GNA12: variants seen among roughly 807,000 people sequenced by gnomAD.
GNA12 encodes guanine nucleotide-binding protein subunit alpha-12.
GNA12 carries 9 observed loss-of-function variants against 26.0 expected under a neutral mutation model. That is an observed-to-expected ratio of 0.35 (90% confidence interval 0.21 to 0.60). GNA12 has a LOEUF of 0.60. Among genes scored for constraint, GNA12 ranks in the 20% least tolerant of loss-of-function variants. The pLI, the probability that GNA12 is intolerant of heterozygous loss-of-function variation, is 0.78. For missense variants in GNA12, 405 were observed against 525.8 expected (o/e 0.77, Z 2.25); for synonymous variants, 264 against 219.6 (o/e 1.20, Z -1.79).
chr7:2,775,860 G>A (rs997315820), intron 2 of GNA12, among the ~76,000 whole-genome samples: 1 of 152,174 alleles, frequency 6.6e-6, no homozygotes, highest in African/African-American at 2.4e-5. Context: ...CACACTACCT[G>A]GACAGGTTAC....
At chr7:2,782,641 T>C (rs994924393) in intron 2 of GNA12, among the ~76,000 whole-genome samples, 1 of 152,148 alleles carries the variant, frequency 6.6e-6, no homozygotes, top group Non-Finnish European at 1.5e-5. Context: ...AGTTTTATTA[T>C]GTCTATAGTG....
At chr7:2,768,653 T>C (rs1369044668) in intron 2 of GNA12, among the ~76,000 whole-genome samples, 1 of 144,520 alleles carries the variant, frequency 6.9e-6, no homozygotes, top group Non-Finnish European at 1.5e-5. Context: ...AACAGGTGAA[T>C]ATGCTCTCAA....
chr7:2,836,742 G>A lies in GNA12; in HGVS notation c.309+7111C>T, dbSNP rs1184659373. Among the ~76,000 whole-genome samples the A allele has an allele frequency of 3.9e-5, 6 of 152,162 alleles. No individual in the cohort carries two copies. In the East Asian group the frequency reaches 1.2e-3, roughly 29 times the overall value. ...AGTTCGAGACCAGCCTGGCCAACATGGTGAAGTCCCATTTCTACTAAAAAT... is the reference window on the plus strand; with the variant it reads ...AGTTCGAGACCAGCCTGGCCAACATAGTGAAGTCCCATTTCTACTAAAAAT... On this transcript the variant is annotated intron_variant, in intron 1 of 3. Transcript: ENST00000275364.
chr7:2,765,406 G>A (rs1390753129), intron 2 of GNA12, among the ~76,000 whole-genome samples: 1 of 151,670 alleles, frequency 6.6e-6, no homozygotes, highest in Non-Finnish European at 1.5e-5. Context: ...TGATCCGCCC[G>A]CCTCGGCCTC....
intron 2 of GNA12, among the ~76,000 whole-genome samples, chr7:2,785,968 G>A (rs1328994255): frequency 6.6e-6 from 1 of 152,236 alleles, no homozygotes; most frequent in Non-Finnish European, 1.5e-5. Context: ...TCGGGAGGCT[G>A]AGGCAGGACA....
At position 2,844,078 on chromosome 7, in the gene GNA12, G is replaced by T. The variant is rs934675173; in HGVS notation, c.84C>A (p.Gly28=). 12 of 1,061,100 alleles carry T rather than the reference G, an allele frequency of 1.1e-5. No individual in the cohort carries two copies. The Admixed American group carries it at 1.7e-4, about 15-fold the overall frequency. 65.7% of individuals were successfully genotyped at this position (1,061,100 alleles called of 1,614,324 possible). The change falls in exon 1 of 4, where the codon GGC becomes GGA. Residue 28 remains glycine (G), a synonymous_variant. Coordinates refer to ENST00000275364, the MANE Select transcript of GNA12 (RefSeq NM_007353.3). ...GGARERRAGS[G]ARDAEREARR... ...GGGCCTCGCGCTCCGCGTCGCGCGC[G>T]CCGCTGCCCGCCCTGCGCTCGCGGG... is the stretch of plus-strand genomic sequence containing the variant.
intron 2 of GNA12, among the ~76,000 whole-genome samples, chr7:2,791,907 A>G (rs567491400): frequency 2.6e-5 from 4 of 152,228 alleles, no homozygotes; most frequent in Non-Finnish European, 5.9e-5. Flanking sequence ...AAGTATAGGA[A>G]TAACAGTCAT....
intron 1 of GNA12, among the ~76,000 whole-genome samples, chr7:2,799,719 C>T (rs1313287774): frequency 1.3e-5 from 2 of 152,112 alleles, no homozygotes; most frequent in Non-Finnish European, 2.9e-5. Flanking sequence ...TGAGATATTT[C>T]ACTGGAGAAC....
At chr7:2,748,459 G>C (rs985411913) in intron 2 of GNA12, among the ~76,000 whole-genome samples, 7 of 152,150 alleles carry the variant, frequency 4.6e-5, no homozygotes, top group African/African-American at 1.7e-4. Context: ...CTAGCCATAT[G>C]TAGAAAGCTG....
At chr7:2,735,798 A>G (rs1176009079) in intron 2 of GNA12, among the ~76,000 whole-genome samples, 2 of 152,150 alleles carry the variant, frequency 1.3e-5, no homozygotes, top group East Asian at 1.9e-4. Context: ...GGGCGGCCTC[A>G]TCTCGAGAAA....
intron 1 of GNA12, among the ~76,000 whole-genome samples, chr7:2,800,857 G>T (rs1792793186): frequency 2.0e-5 from 3 of 152,066 alleles, no homozygotes. Context: ...TCCTCCTCCG[G>T]GTCCTCATCT....
At chr7:2,800,302 T>C (rs578245612) in intron 1 of GNA12, among the ~76,000 whole-genome samples, 27 of 152,334 alleles carry the variant, frequency 1.8e-4, no homozygotes, top group African/African-American at 6.3e-4. Context: ...GGACAAGAGA[T>C]TCATGGTTGC....
At chr7:2,774,105 G>A (rs1792015657) in intron 2 of GNA12, among the ~76,000 whole-genome samples, 1 of 152,122 alleles carries the variant, frequency 6.6e-6, no homozygotes, top group African/African-American at 2.4e-5. Flanking sequence ...GGTTACTTCT[G>A]GAGAGCAGAA....
At chr7:2,839,666 G>T (rs1034225268) in intron 1 of GNA12, among the ~76,000 whole-genome samples, 2 of 152,196 alleles carry the variant, frequency 1.3e-5, no homozygotes, top group African/African-American at 4.8e-5. Context: ...TTACAGGCAT[G>T]AGCCATTGCA....
chr7:2,774,755 A>G (rs996329217), intron 2 of GNA12, among the ~76,000 whole-genome samples: 1 of 152,198 alleles, frequency 6.6e-6, no homozygotes, highest in African/African-American at 2.4e-5. Context: ...AAAATCAGGC[A>G]CGTCTAAGAA....
At chr7:2,735,563 G>A (rs1053645607) in intron 2 of GNA12, among the ~76,000 whole-genome samples, 5 of 152,166 alleles carry the variant, frequency 3.3e-5, no homozygotes, top group East Asian at 1.9e-4. Context: ...CGTTTCCCTC[G>A]GTGTGAGTCT....
intron 2 of GNA12, among the ~76,000 whole-genome samples, chr7:2,791,465 A>G (rs1281917980): frequency 6.6e-6 from 1 of 152,094 alleles, no homozygotes; most frequent in Non-Finnish European, 1.5e-5. Context: ...CAAGGTAATC[A>G]CCAGACACAG....
At chr7:2,808,526 T>G (rs972114650) in intron 1 of GNA12, among the ~76,000 whole-genome samples, 7 of 152,168 alleles carry the variant, frequency 4.6e-5, no homozygotes, top group Non-Finnish European at 8.8e-5. Flanking sequence ...GAGAGGGACC[T>G]GGGCCGCACA....
chr7:2,805,099 C>T (rs1792913231), intron 1 of GNA12, among the ~76,000 whole-genome samples: 1 of 152,124 alleles, frequency 6.6e-6, no homozygotes, highest in East Asian at 1.9e-4. Context: ...AGGCCCAGAG[C>T]CTTTCCACAA....
Sources: gnomAD v4.1 joint callset for allele counts (sites outside exome capture counted in the v4.1 genomes callset) on GRCh38, gnomAD v4.1.1 for gene constraint, MANE v1.5 for transcripts, NCBI Gene and HGNC (gene_info 2026-07-23, HGNC 2026-07-21) for gene names.